The following FNDC1 variants were observed in gnomAD, a reference collection of about 807,000 sequenced individuals.
FNDC1 encodes the protein fibronectin type III domain containing 1.
FNDC1 carries 96 observed loss-of-function variants against 168.0 expected under a neutral mutation model. The ratio of observed to expected loss-of-function variants is 0.57; its 90% confidence interval spans 0.48 to 0.68. FNDC1 has a LOEUF of 0.68. FNDC1 is among the 30% of genes least tolerant of loss of function. The probability of loss-of-function intolerance (pLI) is 0.00; values close to 1 mark genes in which losing one functional copy is unlikely to be tolerated. For missense variants in FNDC1, 2,587 were observed against 2,482.1 expected (o/e 1.04, Z -0.90); for synonymous variants, 1,099 against 1,025.9 (o/e 1.07, Z -1.36).
chr6:159,213,212 A>G (rs2114965070), intron 4 of FNDC1, among the ~76,000 whole-genome samples: 1 of 152,346 alleles, frequency 6.6e-6, no homozygotes, highest in South Asian at 2.1e-4. Context: ...TGCAATGAGC[A>G]GAAAGCTGTT....
chr6:159,188,396 A>G (rs538798340), intron 1 of FNDC1, among the ~76,000 whole-genome samples: 45 of 125,028 alleles, frequency 3.6e-4, no homozygotes, highest in African/African-American at 1.3e-3. Flanking sequence ...TTTTTTTGAG[A>G]CAGAGTCTTG....
intron 1 of FNDC1, among the ~76,000 whole-genome samples, chr6:159,188,005 C>A (rs1036023636): frequency 3.3e-5 from 5 of 152,076 alleles, no homozygotes; most frequent in Non-Finnish European, 5.9e-5. Context: ...ACTTTTTGGT[C>A]CAAGATGTGG....
At chr6:159,213,169 C>T (rs1456369630) in intron 4 of FNDC1, among the ~76,000 whole-genome samples, 2 of 152,218 alleles carry the variant, frequency 1.3e-5, no homozygotes, top group Non-Finnish European at 2.9e-5. Flanking sequence ...CTAGGTTGGA[C>T]AGCAAGGCCA....
intron 5 of FNDC1, among the ~76,000 whole-genome samples, chr6:159,216,524 C>G (rs1378030096): frequency 1.3e-5 from 2 of 152,156 alleles, no homozygotes; most frequent in Non-Finnish European, 2.9e-5. Flanking sequence ...GTCGACTTAT[C>G]CCTCGGGCCT....
At chr6:159,221,483 G>GAAATGGA (rs1340486528) in intron 5 of FNDC1, 115 bp from the exon 6 acceptor site, 1 of 788,810 alleles carries the variant, frequency 1.3e-6, no homozygotes, top group Non-Finnish European at 2.1e-6. Context: ...CCAGAAAGAG[G>GAAATGGA]AAACGGAAAA....
At chr6:159,223,432 T>TA in intron 6 of FNDC1, 96 bp from the exon 7 acceptor site, 1 of 644,188 alleles carries the variant, frequency 1.6e-6, no homozygotes, top group Non-Finnish European at 2.7e-6. Context: ...ATCTAAAACT[T>TA]ATGCAGGGTG....
At chr6:159,183,778 G>C (rs1188571715) in intron 1 of FNDC1, among the ~76,000 whole-genome samples, 1 of 152,190 alleles carries the variant, frequency 6.6e-6, no homozygotes, top group East Asian at 1.9e-4. Context: ...TCTAGGAGGA[G>C]GCGCTCACTG....
intron 12 of FNDC1, among the ~76,000 whole-genome samples, chr6:159,237,626 A>G (rs933894334): frequency 6.6e-6 from 1 of 152,238 alleles, no homozygotes; most frequent in African/African-American, 2.4e-5. Flanking sequence ...GAAAGATTTT[A>G]TGTCTTTAAT....
At chr6:159,247,987 T>C (rs1026436481) in intron 15 of FNDC1, among the ~76,000 whole-genome samples, 1 of 152,246 alleles carries the variant, frequency 6.6e-6, no homozygotes, top group African/African-American at 2.4e-5. Flanking sequence ...TCTGCAATTA[T>C]TCATAGCTCT....
At chr6:159,262,132 G>A (rs544505719) in intron 19 of FNDC1, among the ~76,000 whole-genome samples, 19 of 152,134 alleles carry the variant, frequency 1.2e-4, no homozygotes, top group African/African-American at 4.6e-4. Context: ...TATGACCTAT[G>A]GTCTAATGTA....
chr6:159,183,155 G>C (rs184924784), intron 1 of FNDC1, among the ~76,000 whole-genome samples: 1 of 152,168 alleles, frequency 6.6e-6, no homozygotes, highest in Non-Finnish European at 1.5e-5. Flanking sequence ...CTATGAGGTA[G>C]GTAGGATTAG....
chr6:159,182,468 T>C (rs73593351), intron 1 of FNDC1, among the ~76,000 whole-genome samples: 6,238 of 152,280 alleles, frequency 0.041, 382 homozygotes, highest in African/African-American at 0.14. Context: ...AAAAGCGCTC[T>C]TTGAATTCCA....
chr6:159,238,488 A>G, intron 12 of FNDC1, 66 bp from the exon 13 acceptor site: 3 of 1,051,186 alleles, frequency 2.9e-6, no homozygotes, highest in Non-Finnish European at 4.3e-6. Flanking sequence ...ATATACATAT[A>G]TAATTGGACT....
intron 1 of FNDC1, among the ~76,000 whole-genome samples, chr6:159,196,524 C>T (rs934976424): frequency 6.6e-6 from 1 of 152,166 alleles, no homozygotes; most frequent in African/African-American, 2.4e-5. Flanking sequence ...CCCTGAGACT[C>T]CAAATGCGTT....
At chr6:159,172,812 T>A (rs570216774) in intron 1 of FNDC1, among the ~76,000 whole-genome samples, 45 of 152,350 alleles carry the variant, frequency 3.0e-4, no homozygotes, top group African/African-American at 9.1e-4. Context: ...AAAAGGCTAT[T>A]GAAATAGTTG....
In FNDC1 at chr6:159,180,646, T is replaced by C. The variant is rs375146963; in HGVS notation, c.109+10941T>C. Among the ~76,000 whole-genome samples the C allele has an allele frequency of 7.6e-4, 115 of 152,180 alleles. 1 individual carries two copies. The South Asian group carries it at 0.022, about 29-fold the overall frequency. ...TCTGCCCCAACCCCCTGTCCTCCCC[T>C]GACAGGCCCCAGTGTGTGCTGTTCC... is the stretch of plus-strand genomic sequence containing the variant. On this transcript the variant is annotated intron_variant, in intron 1 of 22. Transcript: ENST00000297267.
chr6:159,208,094 C>G (rs1583871643), intron 4 of FNDC1, among the ~76,000 whole-genome samples: 1 of 152,220 alleles, frequency 6.6e-6, no homozygotes, highest in Admixed American at 6.5e-5. Flanking sequence ...TGACTCTATA[C>G]ACTCACGCCA....
chr6:159,244,957 T>C (rs190027870), intron 14 of FNDC1, among the ~76,000 whole-genome samples: 54 of 152,324 alleles, frequency 3.5e-4, no homozygotes, highest in African/African-American at 1.2e-3. Flanking sequence ...CTCACAGTTC[T>C]AAATGGCTGG....
intron 1 of FNDC1, among the ~76,000 whole-genome samples, chr6:159,173,895 T>C (rs1159263009): frequency 6.6e-6 from 1 of 152,192 alleles, no homozygotes; most frequent in African/African-American, 2.4e-5. Flanking sequence ...AAGGACATCT[T>C]TGGGGGATCA....
Sources: gnomAD v4.1 joint callset for allele counts (sites outside exome capture counted in the v4.1 genomes callset) on GRCh38, gnomAD v4.1.1 for gene constraint, MANE v1.5 for transcripts, NCBI Gene and HGNC (gene_info 2026-07-23, HGNC 2026-07-21) for gene names.